ADRA1B: variants seen among roughly 807,000 people sequenced by gnomAD.
The protein encoded by ADRA1B is adrenoceptor alpha 1B.
A neutral mutation model predicts 17.9 loss-of-function variants in ADRA1B; 17 were observed. The ratio of observed to expected loss-of-function variants is 0.95; its 90% CI spans 0.65 to 1.42. The LOEUF (loss-of-function observed/expected upper bound fraction) is 1.42. ADRA1B is among the 40% of genes most tolerant of loss of function. The pLI, the probability that ADRA1B is intolerant of heterozygous loss-of-function variation, is 0.00. For synonymous variants in ADRA1B, 366 were observed against 327.6 expected, an observed-to-expected ratio of 1.12 and a Z score of -1.27; for missense variants, 681 against 722.1, an observed-to-expected ratio of 0.94 and a Z score of 0.65.
chr5:159,903,158 C>G (rs1754122119), intron 1 of ADRA1B, among the ~76,000 whole-genome samples: 1 of 152,320 alleles, frequency 6.6e-6, no homozygotes, highest in East Asian at 1.9e-4. Context: ...CATCCTGTCC[C>G]TCTAGAGGAC....
Position 159,972,287 on chromosome 5 carries a change from T to G in ADRA1B, c.1358T>G (p.Leu453Arg), listed in dbSNP as rs1463959966. 47 of 1,406,942 alleles carry G rather than the reference T, an allele frequency of 3.3e-5. No homozygotes were observed. The highest frequency in any genetic ancestry group is 4.2e-5 in the Non-Finnish European group (46 of 1,085,618). The allele number at this position is 1,406,942 out of a possible 1,614,324, so 87.2% of individuals were successfully genotyped here. Residue 453 changes from leucine (L) to arginine (R), a missense_variant, in exon 2 of 2, where the codon CTC (leucine) becomes CGC (arginine). Around this residue, in one of 3 missense-constraint regions of ADRA1B, gnomAD observed 251 missense variants for 224.9 expected, o/e 1.12. Transcript: ENST00000306675. ...AFPEWKAPGA[L>R]LSLPAPEPPG... Reference sequence around the variant, plus strand: ...CCCGAGTGGAAGGCGCCCGGCGCCCTCCTGAGCCTGCCCGCGCCTGAGCCC... The same window carrying G: ...CCCGAGTGGAAGGCGCCCGGCGCCCGCCTGAGCCTGCCCGCGCCTGAGCCC...
At chr5:159,912,033 C>A (rs1754231424), upstream of ADRA1B, among the ~76,000 whole-genome samples, 1 of 152,192 alleles carries the variant, frequency 6.6e-6, no homozygotes, top group South Asian at 2.1e-4. Context: ...ATAATGTTAT[C>A]ATTAGGATTA....
At chr5:159,878,213 AC>A (rs1193241474) in intron 1 of ADRA1B, among the ~76,000 whole-genome samples, 1 of 152,198 alleles carries the variant, frequency 6.6e-6, no homozygotes, top group African/African-American at 2.4e-5. Context: ...AGCAGCTGTT[AC>A]CTAGGCTATG....
At chr5:159,935,747 A>G (rs1355535010) in intron 1 of ADRA1B, among the ~76,000 whole-genome samples, 2 of 152,130 alleles carry the variant, frequency 1.3e-5, no homozygotes, top group African/African-American at 4.8e-5. Context: ...GGGTTTCGCC[A>G]TGTTGGCCAG....
chr5:159,949,289 A>G (rs1391405790), intron 1 of ADRA1B, among the ~76,000 whole-genome samples: 1 of 152,218 alleles, frequency 6.6e-6, no homozygotes, highest in African/African-American at 2.4e-5. Flanking sequence ...CAATCTTCTG[A>G]TAGCTCATTC....
At chr5:159,939,329 GCGCGCGCA>G (rs1424018112) in intron 1 of ADRA1B, among the ~76,000 whole-genome samples, 60 of 123,714 alleles carry the variant, frequency 4.8e-4, no homozygotes, top group Admixed American at 7.8e-4. Flanking sequence ...GTGTGCGCGC[GCGCGCGCA>G]CACAATGCAC....
At chr5:159,899,236 G>A (rs28432140) in intron 1 of ADRA1B, among the ~76,000 whole-genome samples, 6 of 98,068 alleles carry the variant, frequency 6.1e-5, no homozygotes, top group African/African-American at 1.8e-4. Flanking sequence ...GGGAAGGAGG[G>A]AGGGAGGAAG....
chr5:159,971,850 G>GCCCGTGGGGGGGGGGGGGGC, intron 1 of ADRA1B, 29 bp from the exon 2 acceptor site: 1 of 1,310,454 alleles, frequency 7.6e-7, no homozygotes, highest in Non-Finnish European at 9.8e-7. Flanking sequence ...CTGTCTTTCT[G>GCCCGTGGGGGGGGGGGGGGC]CCCGTGCCCA....
At chr5:159,976,464 TGGA>T (rs1284623913), downstream of ADRA1B, among the ~76,000 whole-genome samples, 1 of 151,948 alleles carries the variant, frequency 6.6e-6, no homozygotes, top group African/African-American at 2.4e-5. Context: ...GGCCAGCAGT[TGGA>T]GAACAGCCTG....
chr5:159,934,841 C>G (rs1754910753), intron 1 of ADRA1B, among the ~76,000 whole-genome samples: 1 of 151,398 alleles, frequency 6.6e-6, no homozygotes, highest in Non-Finnish European at 1.5e-5. Context: ...AACAGGGACG[C>G]TGAAATCTGA....
intron 1 of ADRA1B, chr5:159,955,287 C>A: frequency 2.7e-6 from 2 of 751,872 alleles, no homozygotes; most frequent in Non-Finnish European, 3.2e-6. Flanking sequence ...CAGACTGAGC[C>A]AAACAAGCGA....
chr5:159,979,688 T>G, the ADRA1B span, among the ~76,000 whole-genome samples: 1 of 151,800 alleles, frequency 6.6e-6, no homozygotes, highest in Non-Finnish European at 1.5e-5. Flanking sequence ...GCCAACATGG[T>G]GAAACCCCAT....
At chr5:159,970,193 T>C (rs979390105) in intron 1 of ADRA1B, among the ~76,000 whole-genome samples, 1 of 152,236 alleles carries the variant, frequency 6.6e-6, no homozygotes, top group African/African-American at 2.4e-5. Context: ...CTTATTATAT[T>C]GATTTATTTC....
At chr5:159,946,371 G>C (rs1031799541) in intron 1 of ADRA1B, among the ~76,000 whole-genome samples, 9 of 152,150 alleles carry the variant, frequency 5.9e-5, no homozygotes, top group Non-Finnish European at 1.2e-4. Flanking sequence ...ATACAGAAAA[G>C]AGCACCAATC....
At chr5:159,936,896 G>A (rs1026070208) in intron 1 of ADRA1B, among the ~76,000 whole-genome samples, 3 of 152,192 alleles carry the variant, frequency 2.0e-5, no homozygotes, top group Non-Finnish European at 2.9e-5. Context: ...TGGAGCTGCT[G>A]ACTGTGTTGT....
At position 159,972,209 on chromosome 5, in the gene ADRA1B, G is replaced by T; in HGVS notation, c.1280G>T (p.Ser427Ile). The change falls in exon 2 of 2, where the codon AGC becomes ATC. Residue 427 changes from serine (S) to isoleucine (I), a missense_variant. Around this residue, in one of 3 missense-constraint regions of ADRA1B, gnomAD observed 251 missense variants for 224.9 expected, o/e 1.12. Transcript: ENST00000306675. ...CGGACCCTGCCCTCGGCCTCGCCGA[G>T]CCCGGGCTACCTGGGCCGCGGCGCG... ...SQRTLPSASP[S>I]PGYLGRGAPP... is the part of the protein sequence containing the mutation. The T allele has an allele frequency of 2.9e-6, 4 of 1,361,152 alleles. No individual in the cohort carries two copies. The highest frequency in any genetic ancestry group is 3.8e-6 in the Non-Finnish European group (4 of 1,052,862). 84.3% of individuals were successfully genotyped at this position (1,361,152 alleles called of 1,614,324 possible).
chr5:159,927,754 G>A (rs1297221219), intron 1 of ADRA1B, among the ~76,000 whole-genome samples: 2 of 152,168 alleles, frequency 1.3e-5, no homozygotes, highest in Non-Finnish European at 2.9e-5. Context: ...GAATAAGGGT[G>A]TTTATAGTGC....
chr5:159,946,050 T>C (rs541495000), intron 1 of ADRA1B, among the ~76,000 whole-genome samples: 3 of 152,296 alleles, frequency 2.0e-5, no homozygotes, highest in South Asian at 2.1e-4. Context: ...CCCAGCCCGA[T>C]TTCTGTTTTT....
In ADRA1B at chr5:159,972,082, G is replaced by A. The variant is rs1439580223; in HGVS notation, c.1153G>A (p.Ala385Thr). 25 of 1,301,622 alleles carry A rather than the reference G, an allele frequency of 1.9e-5. No homozygotes were observed. Among genetic ancestry groups the A allele is most frequent in the Non-Finnish European group, 2.3e-5 (24 of 1,023,230 alleles). 80.6% of individuals were successfully genotyped at this position (1,301,622 alleles called of 1,614,324 possible). A position where few individuals can be genotyped will look rare whatever the true frequency, so the allele number is the denominator to read the frequency against. The change falls in exon 2 of 2, where the codon GCC becomes ACC. Residue 385 changes from alanine (A) to threonine (T), a missense_variant. Transcript: ENST00000306675. ...CCGCCGCCGTCGCCTGGGCGGCTGCGCCTACACCTACCGGCCGTGGACGCG... is the reference window on the plus strand; with the variant it reads ...CCGCCGCCGTCGCCTGGGCGGCTGCACCTACACCTACCGGCCGTGGACGCG... ...RRRRRRLGGC[A>T]YTYRPWTRGG...
Sources: gnomAD v4.1 joint callset for allele counts (sites outside exome capture counted in the v4.1 genomes callset) on GRCh38, gnomAD v4.1.1 for gene constraint, gnomAD v4.1.1 regional missense constraint, MANE v1.5 for transcripts, NCBI Gene and HGNC (gene_info 2026-07-23, HGNC 2026-07-21) for gene names.